The following MAP2 variants were observed in gnomAD, a reference collection of about 807,000 sequenced individuals.
The protein encoded by MAP2 is microtubule-associated protein 2.
A neutral mutation model predicts 137.6 loss-of-function variants in MAP2; 14 were observed. That is an observed-to-expected ratio of 0.10 (90% confidence interval 0.07 to 0.16). The LOEUF is 0.16. MAP2 is among the 10% of genes least tolerant of loss of function. MAP2 has a pLI of 1.00. For missense variants in MAP2, 2,088 were observed against 2,191.5 expected (o/e 0.95, Z 0.94); for synonymous variants, 786 against 782.3 (o/e 1.00, Z -0.08).
chr2:209,545,148 A>G (rs540081733), intron 2 of MAP2, among the ~76,000 whole-genome samples: 1 of 152,148 alleles, frequency 6.6e-6, no homozygotes, highest in African/African-American at 2.4e-5. Context: ...AGATTGTTTT[A>G]CACATTTAAA....
chr2:209,558,393 C>T (rs770737945), intron 2 of MAP2, among the ~76,000 whole-genome samples: 14 of 151,942 alleles, frequency 9.2e-5, no homozygotes, highest in Admixed American at 4.6e-4. Context: ...TTCGCCATGT[C>T]GGCCAGGCTG....
chr2:209,701,562 T>C (rs1196935618), intron 11 of MAP2, among the ~76,000 whole-genome samples: 5 of 152,062 alleles, frequency 3.3e-5, no homozygotes, highest in Non-Finnish European at 7.4e-5. Flanking sequence ...TAAATCACAA[T>C]TCTTAGCTTA....
At chr2:209,532,072 C>G (rs969876989) in intron 2 of MAP2, among the ~76,000 whole-genome samples, 2 of 151,680 alleles carry the variant, frequency 1.3e-5, no homozygotes, top group African/African-American at 4.8e-5. Context: ...GACCTCATCT[C>G]TACAAAAACT....
At chr2:209,658,485 A>G (rs1278722775) in intron 5 of MAP2, among the ~76,000 whole-genome samples, 4 of 151,748 alleles carry the variant, frequency 2.6e-5, no homozygotes, top group African/African-American at 9.7e-5. Flanking sequence ...TCATCTAAAG[A>G]GAGGAAAAAA....
chr2:209,728,183 C>G (rs1397923889), intron 14 of MAP2, among the ~76,000 whole-genome samples: 1 of 151,998 alleles, frequency 6.6e-6, no homozygotes, highest in Non-Finnish European at 1.5e-5. Flanking sequence ...TATATTGACA[C>G]AACATATAAT....
At chr2:209,598,335 C>T (rs59175910) in intron 3 of MAP2, among the ~76,000 whole-genome samples, 1,857 of 152,126 alleles carry the variant, frequency 0.012, 41 homozygotes, top group African/African-American at 0.042. Flanking sequence ...ACTTGAACCC[C>T]GGCACCCAGT....
chr2:209,579,327 A>G, intron 2 of MAP2: 1 of 152,106 alleles, frequency 6.6e-6, no homozygotes, highest in Non-Finnish European at 1.5e-5. Flanking sequence ...AGACCAGATG[A>G]TGACATTCAT....
chr2:209,586,459 T>C (rs1037267229), intron 3 of MAP2, among the ~76,000 whole-genome samples: 11 of 152,152 alleles, frequency 7.2e-5, no homozygotes, highest in African/African-American at 2.7e-4. Flanking sequence ...GACTTTATCC[T>C]GGACTGAAGG....
At chr2:209,482,603 A>T (rs1328261540) in intron 1 of MAP2, among the ~76,000 whole-genome samples, 1 of 152,178 alleles carries the variant, frequency 6.6e-6, no homozygotes, top group Non-Finnish European at 1.5e-5. Context: ...TTTATACCAA[A>T]CTTTCTGATA....
At position 209,693,807 on chromosome 2, in the gene MAP2, A is replaced by C; in HGVS notation, c.1637A>C (p.Lys546Thr). ...LFEMRVDDKD[K>T]IEGVGAATSA... ...GAAATGAGAGTTGATGACAAAGATA[A>C]GATTGAAGGAGTTGGAGCTGCAACA... The change falls in exon 8 of 16, where the codon AAG becomes ACG. Residue 546 changes from lysine to threonine, a missense_variant. Physicochemically the swap from Lys to Thr is moderately conservative, Grantham distance 78. Transcript: ENST00000682079. The C allele has an allele frequency of 6.2e-7, 1 of 1,614,068 alleles. No individual in the cohort carries two copies. The highest frequency in any genetic ancestry group is 8.5e-7 in the Non-Finnish European group (1 of 1,179,994).
Position 209,480,177 on chromosome 2 carries a change from G to C in MAP2, c.-221-27415G>C, listed in dbSNP as rs542994400. On this transcript the variant is annotated intron_variant, in intron 1 of 15. Transcript: ENST00000682079. ...TCACTGTGTCAAAGAGGGAGAGCTTGATAATGTTCTGCCAAGGATGAGGGT... is the reference window on the plus strand; with the variant it reads ...TCACTGTGTCAAAGAGGGAGAGCTTCATAATGTTCTGCCAAGGATGAGGGT... Among the ~76,000 whole-genome samples the C allele has an allele frequency of 6.6e-5, 10 of 152,244 alleles. No homozygotes were observed. In the East Asian group the frequency reaches 1.5e-3, roughly 24 times the overall value.
intron 1 of MAP2, among the ~76,000 whole-genome samples, chr2:209,452,119 T>C (rs897538398): frequency 6.6e-6 from 1 of 152,190 alleles, no homozygotes. Context: ...TTTGCAAGTC[T>C]AGCCTTGAGA....
chr2:209,685,900 T>C (rs2056847085), intron 7 of MAP2, among the ~76,000 whole-genome samples: 1 of 152,228 alleles, frequency 6.6e-6, no homozygotes, highest in South Asian at 2.1e-4. Flanking sequence ...CTTGAAATTC[T>C]TTAATTTTAT....
Position 209,693,381 on chromosome 2 carries a change from T to G in MAP2, c.1211T>G (p.Met404Arg). The change falls in exon 8 of 16, where the codon ATG (methionine) becomes AGG (arginine). Residue 404 changes from methionine (M) to arginine (R), a missense_variant. Physicochemically the swap from Met to Arg is moderately conservative, Grantham distance 91 (BLOSUM62 -1). This residue lies in a region of MAP2 where 859 missense variants were observed against 794.5 expected (regional missense o/e 1.08). Transcript: ENST00000682079. ...ATTCCAGTTGTAGAAGAACATGTTA[T>G]GGGGAAAGTTTTAGAGGAAGAAAAG... ...AHIPVVEEHVMGKVLEEEKEA... is the reference protein window; with the variant it reads ...AHIPVVEEHVRGKVLEEEKEA... The G allele has an allele frequency of 6.2e-7, 1 of 1,611,850 alleles. No individual in the cohort carries two copies. The highest frequency in any genetic ancestry group is 8.5e-7 in the Non-Finnish European group (1 of 1,179,526).
intron 2 of MAP2, among the ~76,000 whole-genome samples, chr2:209,534,556 G>A (rs1446752181): frequency 6.6e-6 from 1 of 152,140 alleles, no homozygotes; most frequent in Non-Finnish European, 1.5e-5. Flanking sequence ...CTTCTAAATT[G>A]CTCTGTGTAA....
intron 1 of MAP2, among the ~76,000 whole-genome samples, chr2:209,482,253 A>G (rs2057805057): frequency 6.6e-6 from 1 of 152,222 alleles, no homozygotes; most frequent in Admixed American, 6.5e-5. Context: ...CTCATACAGT[A>G]TAGATATCCA....
chr2:209,454,754 T>C (rs1011416470), intron 1 of MAP2, among the ~76,000 whole-genome samples: 2 of 152,160 alleles, frequency 1.3e-5, no homozygotes, highest in African/African-American at 4.8e-5. Context: ...TAATAACAAA[T>C]ATTTGTGTAC....
chr2:209,526,152 A>G (rs924164529), intron 2 of MAP2, among the ~76,000 whole-genome samples: 5 of 152,180 alleles, frequency 3.3e-5, no homozygotes, highest in African/African-American at 1.2e-4. Context: ...ATAATTCAGA[A>G]AGTATTTTCA....
intron 5 of MAP2, among the ~76,000 whole-genome samples, chr2:209,676,716 A>G (rs1383905279): frequency 2.4e-5 from 3 of 123,280 alleles, no homozygotes; most frequent in Non-Finnish European, 5.0e-5. Flanking sequence ...GAAGACACAA[A>G]GGTCATATAT....
Sources: allele counts gnomAD v4.1 joint callset (sites outside exome capture counted in the v4.1 genomes callset), GRCh38; gene constraint gnomAD v4.1.1; regional missense constraint gnomAD v4.1.1; transcripts MANE v1.5; gene names NCBI Gene and HGNC (gene_info 2026-07-23, HGNC 2026-07-21).